The following MAPK8IP3 variants were observed in gnomAD, a reference collection of about 807,000 sequenced individuals.
MAPK8IP3 encodes mitogen-activated protein kinase 8 interacting protein 3.
Under a neutral mutation model 157.8 loss-of-function variants are expected in MAPK8IP3, and 49 were observed. That is an observed-to-expected ratio of 0.31 (90% CI 0.25 to 0.39). The LOEUF (loss-of-function observed/expected upper bound fraction) is 0.39, where lower values mean the gene tolerates loss of function less well. Among genes scored for constraint, MAPK8IP3 ranks in the 10% least tolerant of loss-of-function variants. The pLI is 1.00. For synonymous variants in MAPK8IP3, 897 were observed against 777.7 expected, an observed-to-expected ratio of 1.15 and a Z score of -2.55; for missense variants, 1,478 against 1,889.4, an observed-to-expected ratio of 0.78 and a Z score of 4.04.
In MAPK8IP3 at chr16:1,768,724, C is replaced by A. The variant is rs199536275; in HGVS notation, c.3914C>A (p.Thr1305Lys). 2 of 1,612,662 alleles carry A rather than the reference C, an allele frequency of 1.2e-6. No individual in the cohort carries two copies. Among genetic ancestry groups the A allele is most frequent in the Non-Finnish European group, 1.7e-6 (2 of 1,179,834 alleles). Residue 1305 changes from threonine to lysine, a missense_variant, in exon 32 of 32, where the codon ACG becomes AAG. By Grantham distance (78) the Thr-to-Lys change is moderately conservative. Coordinates refer to ENST00000610761, the MANE Select transcript of MAPK8IP3 (RefSeq NM_001318852.2). ...GCAGGAGACGGAGAGGACGACGAGA[C>A]GGAGGAGGGCGCAGGGGACATGAGC... ...FRIGDGEDDE[T>K]EEGAGDMSQV...
intron 8 of MAPK8IP3, among the ~76,000 whole-genome samples, chr16:1,750,367 C>T (rs1265096128): frequency 6.6e-6 from 1 of 152,036 alleles, no homozygotes; most frequent in Non-Finnish European, 1.5e-5. Flanking sequence ...CACGCGCCAC[C>T]ACGCCCGGCT....
intron 17 of MAPK8IP3, 144 bp from the exon 18 acceptor site, chr16:1,763,971 G>A: frequency 1.9e-6 from 2 of 1,062,212 alleles, no homozygotes; most frequent in Admixed American, 2.9e-5. Flanking sequence ...CGGAGAAGGA[G>A]CCCCGCGGCT....
chr16:1,740,593 C>T (rs147726529), intron 4 of MAPK8IP3, among the ~76,000 whole-genome samples: 3 of 152,340 alleles, frequency 2.0e-5, no homozygotes, highest in East Asian at 3.9e-4. Flanking sequence ...ATCCATGTGG[C>T]GTGTGCGCAT....
At chr16:1,715,069 GA>G (rs558971460) in intron 1 of MAPK8IP3, among the ~76,000 whole-genome samples, 1 of 151,862 alleles carries the variant, frequency 6.6e-6, no homozygotes, top group Non-Finnish European at 1.5e-5. Context: ...AGACAGATGG[GA>G]AATATATATA....
At position 1,706,294 on chromosome 16, in the gene MAPK8IP3, C is replaced by T; in HGVS notation, c.-46C>T. ...CCTGAGGCAGCTGGGGAGGGCCGGG[C>T]GCGCCGGCCGGATAGCGAGCCGCGC... On this transcript the variant is annotated 5_prime_UTR_variant, in exon 1 of 32. Coordinates refer to ENST00000610761, the MANE Select transcript of MAPK8IP3 (RefSeq NM_001318852.2). This position sits in a 1 kb window ranked among gnomAD's most constrained non-coding sequence, Gnocchi z 5.1. The T allele has an allele frequency of 2.2e-5, 33 of 1,483,962 alleles. No individual in the cohort carries two copies. Among genetic ancestry groups the T allele is most frequent in the Non-Finnish European group, 3.0e-5 (33 of 1,116,206 alleles). The allele number at this position is 1,483,962 out of a possible 1,614,324, so 91.9% of individuals were successfully genotyped here.
rs1177346155 is a variant in MAPK8IP3, at chr16:1,706,953, C to T, written c.318+296C>T. Among the ~76,000 whole-genome samples, 1 of 151,358 alleles carries T rather than the reference C, an allele frequency of 6.6e-6. No homozygotes were observed. Among genetic ancestry groups the T allele is most frequent in the Non-Finnish European group, 1.5e-5 (1 of 67,720 alleles). ...TTCCGCCCAGGCCTGGGCCCTGGCC[C>T]CCTCCTCCGTGCCCCCAGCCCTGAA... On this transcript the variant is annotated intron_variant, in intron 1 of 31. Transcript: ENST00000610761. The surrounding 1 kb of genome is among the most constrained non-coding windows in gnomAD (Gnocchi z 5.1).
At position 1,706,206 on chromosome 16, in the gene MAPK8IP3, C is replaced by A; in HGVS notation, c.-134C>A. 1 of 665,750 alleles carries A rather than the reference C, an allele frequency of 1.5e-6. No individual in the cohort carries two copies. Among genetic ancestry groups the A allele is most frequent in the Non-Finnish European group, 2.1e-6 (1 of 471,478 alleles). The allele number at this position is 665,750 out of a possible 1,614,324, so 41.2% of individuals were successfully genotyped here. On this transcript the variant is annotated 5_prime_UTR_variant, in exon 1 of 32. Coordinates refer to ENST00000610761, the MANE Select transcript of MAPK8IP3 (RefSeq NM_001318852.2). The surrounding 1 kb of genome is among the most constrained non-coding windows in gnomAD (Gnocchi z 5.1). ...TGAGTGACGGGCGCAGCCTCGGCAG[C>A]GGCGGCGGCGGAGCCCTGAGGCGAC...
intron 1 of MAPK8IP3, among the ~76,000 whole-genome samples, chr16:1,709,435 G>C: frequency 6.6e-6 from 1 of 152,208 alleles, no homozygotes; most frequent in East Asian, 1.9e-4. Context: ...CAAGATCCAA[G>C]CACCATCACT....
intron 7 of MAPK8IP3, 119 bp downstream of exon 7, chr16:1,748,465 C>T: frequency 1.7e-6 from 2 of 1,152,874 alleles, no homozygotes; most frequent in Middle Eastern, 1.9e-4. Flanking sequence ...GGCCTACCGC[C>T]TCCATCCACG....
chr16:1,758,522 C>T (rs900164827), intron 9 of MAPK8IP3, among the ~76,000 whole-genome samples: 3 of 152,194 alleles, frequency 2.0e-5, no homozygotes, highest in Non-Finnish European at 2.9e-5. Flanking sequence ...GAAGCCCCTA[C>T]GAAGCCCAGC....
At chr16:1,748,539 G>C in intron 7 of MAPK8IP3, 63 bp from the exon 8 acceptor site, 1 of 1,378,724 alleles carries the variant, frequency 7.3e-7, no homozygotes, top group South Asian at 1.2e-5. Flanking sequence ...AGAGTCTGCA[G>C]ACGCAGCCAC....
intron 13 of MAPK8IP3, among the ~76,000 whole-genome samples, chr16:1,761,985 C>T (rs759916326): frequency 1.1e-4 from 17 of 152,142 alleles, no homozygotes; most frequent in Admixed American, 7.9e-4. Context: ...GGGGCCCAGG[C>T]GGGCTCCTGG....
At chr16:1,719,158 A>G (rs930224560) in intron 1 of MAPK8IP3, among the ~76,000 whole-genome samples, 1 of 152,150 alleles carries the variant, frequency 6.6e-6, no homozygotes, top group Non-Finnish European at 1.5e-5. Context: ...TTGTAGAGGT[A>G]AGGTCTTGTT....
At chr16:1,739,780 GTCCATGTGAGCA>G (rs1567173715) in intron 4 of MAPK8IP3, among the ~76,000 whole-genome samples, 1 of 123,890 alleles carries the variant, frequency 8.1e-6, no homozygotes, top group African/African-American at 3.2e-5. Context: ...GCGTGTCACC[GTCCATGTGAGCA>G]TCCGTGTGAC....
At chr16:1,733,741 G>T (rs1310566570) in intron 4 of MAPK8IP3, among the ~76,000 whole-genome samples, 2 of 152,214 alleles carry the variant, frequency 1.3e-5, no homozygotes, top group African/African-American at 4.8e-5. Flanking sequence ...GCTCTGCCAC[G>T]GCTCCTGAAG....
chr16:1,718,075 G>C (rs749285440), intron 1 of MAPK8IP3, among the ~76,000 whole-genome samples: 2 of 151,808 alleles, frequency 1.3e-5, no homozygotes, highest in African/African-American at 4.8e-5. Context: ...GGATGGTCTC[G>C]ATCTCCTGAC....
chr16:1,721,308 A>T (rs1220806336), intron 1 of MAPK8IP3, among the ~76,000 whole-genome samples: 1 of 119,370 alleles, frequency 8.4e-6, no homozygotes, highest in East Asian at 2.8e-4. Context: ...ACTCTATCTC[A>T]AAAAAAAAAA....
At chr16:1,735,425 CCATCCGTGTGAG>C (rs1367520967) in intron 4 of MAPK8IP3, among the ~76,000 whole-genome samples, 11 of 146,650 alleles carry the variant, frequency 7.5e-5, no homozygotes, top group South Asian at 4.4e-4. Context: ...GTCCGTGTGA[CCATCCGTGTGAG>C]CATCCGTGTG....
rs1259769595 is a variant in MAPK8IP3, at chr16:1,766,016, C to A, written c.2503C>A (p.Pro835Thr). The A allele has an allele frequency of 6.2e-7, 1 of 1,612,826 alleles. No individual in the cohort carries two copies. ...GEMFLDSDVNPEDPGADGVLA... is the reference protein window; with the variant it reads ...GEMFLDSDVNTEDPGADGVLA... ...GATGTTCCTGGACAGCGACGTGAAC[C>A]CAGAGGACCCGGGCGCAGATGGCGT... The change falls in exon 21 of 32, where the codon CCA becomes ACA. Residue 835 changes from proline to threonine, a missense_variant. Physicochemically the swap from Pro to Thr is conservative, Grantham distance 38. Around this residue, in one of 11 missense-constraint regions of MAPK8IP3, gnomAD observed 669 missense variants for 759.8 expected, o/e 0.88. Transcript: ENST00000610761.
Sources: gnomAD v4.1 joint callset for allele counts (sites outside exome capture counted in the v4.1 genomes callset) on GRCh38, gnomAD v4.1.1 for gene constraint, gnomAD v4.1.1 regional missense constraint, Gnocchi (gnomAD v3.1) non-coding constraint, MANE v1.5 for transcripts, NCBI Gene and HGNC (gene_info 2026-07-23, HGNC 2026-07-21) for gene names.